LRP1B: variants seen among roughly 807,000 people sequenced by gnomAD.
LRP1B encodes the protein low-density lipoprotein receptor-related protein 1B.
In LRP1B, 217 loss-of-function variants were observed where a neutral mutation model predicts 556.6. The observed-to-expected ratio is 0.39, with a 90% CI of 0.35 to 0.44. The LOEUF (loss-of-function observed/expected upper bound fraction) is 0.44. Ranked by LOEUF, LRP1B falls within the 20% of genes least tolerant of loss-of-function variation. LRP1B has a pLI of 1.00. For synonymous variants in LRP1B, 2,047 were observed against 1,865.8 expected (o/e 1.10, Z -2.50); for missense variants, 5,053 against 5,620.8 (o/e 0.90, Z 3.23).
At chr2:141,277,318 TA>T (rs1685340974) in intron 3 of LRP1B, among the ~76,000 whole-genome samples, 1 of 152,204 alleles carries the variant, frequency 6.6e-6, no homozygotes, top group African/African-American at 2.4e-5. Flanking sequence ...TTAGGCTTTT[TA>T]ATAATAGCCA....
chr2:141,186,462 G>T (rs1681263818), intron 7 of LRP1B, among the ~76,000 whole-genome samples: 1 of 151,952 alleles, frequency 6.6e-6, no homozygotes. Flanking sequence ...CTAAATTTCT[G>T]ATATTAAGAG....
chr2:140,394,112 TTACTGGC>T (rs1451854542), intron 66 of LRP1B, among the ~76,000 whole-genome samples: 2 of 150,804 alleles, frequency 1.3e-5, no homozygotes, highest in African/African-American at 4.9e-5. Flanking sequence ...CCCGTAGGGT[TTACTGGC>T]ACATATTTTT....
chr2:141,666,383 C>T (rs2105404446), intron 2 of LRP1B, among the ~76,000 whole-genome samples: 2 of 152,202 alleles, frequency 1.3e-5, no homozygotes, highest in East Asian at 3.9e-4. Flanking sequence ...CCTGGCTGTT[C>T]CATGTTTGTT....
intron 41 of LRP1B, among the ~76,000 whole-genome samples, chr2:140,664,657 T>C (rs979002406): frequency 6.6e-6 from 1 of 152,028 alleles, no homozygotes; most frequent in Non-Finnish European, 1.5e-5. Flanking sequence ...ACAGGAACTT[T>C]TGAGAAATAG....
At position 140,701,723 on chromosome 2, in the gene LRP1B, TTCTC is replaced by T; in HGVS notation, c.6421_6424del (p.Glu2141LysfsTer42). The T allele has an allele frequency of 1.2e-6, 2 of 1,611,966 alleles. No individual in the cohort carries two copies. Among genetic ancestry groups the T allele is most frequent in the Non-Finnish European group, 1.7e-6 (2 of 1,178,776 alleles). ...TGTATTCTTTCAAGAGTGCTGACCT[TTCTC>T]TCTTACTCGGTTAAATATTTTAACC... On this transcript the variant is annotated frameshift_variant, in exon 40 of 91. Coordinates refer to ENST00000389484, the MANE Select transcript of LRP1B (RefSeq NM_018557.3). LOFTEE classifies it high-confidence loss of function.
At chr2:142,100,741 G>A (rs1393817849) in intron 1 of LRP1B, among the ~76,000 whole-genome samples, 1 of 151,978 alleles carries the variant, frequency 6.6e-6, no homozygotes, top group Non-Finnish European at 1.5e-5. Flanking sequence ...AAGAAATCCT[G>A]ATGATAATAA....
At chr2:140,762,287 T>C (rs892017943) in intron 35 of LRP1B, among the ~76,000 whole-genome samples, 4 of 152,146 alleles carry the variant, frequency 2.6e-5, no homozygotes, top group Non-Finnish European at 5.9e-5. Flanking sequence ...CAGAATTTAA[T>C]TAGGGCATCT....
At chr2:140,649,333 T>C (rs1684593543) in intron 41 of LRP1B, among the ~76,000 whole-genome samples, 1 of 152,198 alleles carries the variant, frequency 6.6e-6, no homozygotes, top group Admixed American at 6.5e-5. Context: ...TACAGACTTC[T>C]CTCTGTTCTT....
intron 7 of LRP1B, among the ~76,000 whole-genome samples, chr2:141,173,602 C>A (rs981982029): frequency 6.6e-6 from 1 of 152,086 alleles, no homozygotes; most frequent in Non-Finnish European, 1.5e-5. Context: ...TATTGTGGGG[C>A]TAAGTTTCTC....
intron 1 of LRP1B, among the ~76,000 whole-genome samples, chr2:142,040,644 C>G (rs572050089): frequency 7.6e-5 from 11 of 145,554 alleles, no homozygotes; most frequent in Non-Finnish European, 1.7e-4. Context: ...TTTTTAATAG[C>G]TAGTTCAGTT....
chr2:141,789,199 A>T (rs1695526118), intron 2 of LRP1B, among the ~76,000 whole-genome samples: 1 of 151,954 alleles, frequency 6.6e-6, no homozygotes, highest in Non-Finnish European at 1.5e-5. Context: ...CTGGATAAGG[A>T]TTGAAGAAAA....
At chr2:141,041,470 C>A (rs1237893997) in intron 11 of LRP1B, among the ~76,000 whole-genome samples, 1 of 152,032 alleles carries the variant, frequency 6.6e-6, no homozygotes, top group South Asian at 2.1e-4. Context: ...TGGCTCAGGG[C>A]CTTGTATTAT....
At chr2:140,849,518 T>G (rs1692391226) in intron 29 of LRP1B, among the ~76,000 whole-genome samples, 1 of 152,122 alleles carries the variant, frequency 6.6e-6, no homozygotes, top group African/African-American at 2.4e-5. Context: ...TCTATTTATT[T>G]AGACATGTAA....
rs1697170065 is a variant in LRP1B, at chr2:140,994,092, C to T, written c.2547G>A (p.Glu849=). Residue 849 remains glutamate (E), a synonymous_variant, in exon 16 of 91, where the codon GAG becomes GAA. Coordinates refer to ENST00000389484, the MANE Select transcript of LRP1B (RefSeq NM_018557.3). ...TACAGTGTCTGTTTTTGCAGCGAAA[C>T]TCTCCAGCTTTACATATGTGAGGTA... ...EALPHICKAG[E]FRCKNRHCIQ... is the part of the protein sequence containing the mutation. The T allele has an allele frequency of 1.2e-6, 2 of 1,612,678 alleles. No homozygotes were observed. The highest frequency in any genetic ancestry group is 1.7e-6 in the Non-Finnish European group (2 of 1,179,116).
intron 2 of LRP1B, among the ~76,000 whole-genome samples, chr2:141,795,890 A>ATG: frequency 1.3e-5 from 1 of 78,686 alleles, no homozygotes; most frequent in Admixed American, 1.2e-4. Flanking sequence ...ATATATATAT[A>ATG]TATATATATA....
At chr2:142,074,505 C>G (rs942549586) in intron 1 of LRP1B, among the ~76,000 whole-genome samples, 8 of 152,054 alleles carry the variant, frequency 5.3e-5, no homozygotes, top group African/African-American at 1.9e-4. Flanking sequence ...ATTCCTGAAT[C>G]TTCATTTCTG....
At chr2:141,545,001 T>C (rs1335577026) in intron 2 of LRP1B, among the ~76,000 whole-genome samples, 1 of 152,162 alleles carries the variant, frequency 6.6e-6, no homozygotes, top group Non-Finnish European at 1.5e-5. Flanking sequence ...TTTAAATTTA[T>C]TATCTCCCTT....
At chr2:142,004,713 G>A (rs961092496) in intron 1 of LRP1B, among the ~76,000 whole-genome samples, 1 of 151,690 alleles carries the variant, frequency 6.6e-6, no homozygotes, top group Non-Finnish European at 1.5e-5. Context: ...GGGCGTGGTA[G>A]AAGGTGCCGG....
At chr2:140,419,006 CTAAA>C (rs201889164) in intron 66 of LRP1B, among the ~76,000 whole-genome samples, 3,016 of 152,184 alleles carry the variant, frequency 0.02, 44 homozygotes, top group Non-Finnish European at 0.023. Context: ...TGCCTATGGA[CTAAA>C]TAAATATAAA....
Sources: gnomAD v4.1 joint callset for allele counts (sites outside exome capture counted in the v4.1 genomes callset) on GRCh38, gnomAD v4.1.1 for gene constraint, MANE v1.5 for transcripts, NCBI Gene and HGNC (gene_info 2026-07-23, HGNC 2026-07-21) for gene names.